CSMD2: variants seen among roughly 807,000 people sequenced by gnomAD.
CSMD2 encodes CUB and Sushi multiple domains 2.
CSMD2 carries 130 observed loss-of-function variants against 398.5 expected under a neutral mutation model. That is an observed-to-expected ratio of 0.33 (90% CI 0.28 to 0.38). The LOEUF (loss-of-function observed/expected upper bound fraction) is 0.38, where lower values mean the gene tolerates loss of function less well. CSMD2 is among the 10% of genes least tolerant of loss of function. The pLI is 1.00. For synonymous variants in CSMD2, 1,828 were observed against 1,908.5 expected, an observed-to-expected ratio of 0.96 and a Z score of 1.10; for missense variants, 3,829 against 4,764.9, an observed-to-expected ratio of 0.80 and a Z score of 5.78.
At chr1:34,071,887 C>G (rs1417766377) in intron 2 of CSMD2, among the ~76,000 whole-genome samples, 1 of 152,266 alleles carries the variant, frequency 6.6e-6, no homozygotes, top group African/African-American at 2.4e-5. Context: ...CTATATGCAT[C>G]TCCAGCATCA....
At chr1:34,089,365 T>C (rs1231781880) in intron 1 of CSMD2, among the ~76,000 whole-genome samples, 172 bp from the exon 2 acceptor site, 1 of 152,202 alleles carries the variant, frequency 6.6e-6, no homozygotes, top group Non-Finnish European at 1.5e-5. Flanking sequence ...ACGTTGATTG[T>C]CGGCTTGCTG....
intron 3 of CSMD2, among the ~76,000 whole-genome samples, chr1:33,996,435 G>T (rs979731961): frequency 2.6e-5 from 4 of 152,194 alleles, no homozygotes; most frequent in African/African-American, 9.7e-5. Flanking sequence ...TCAGCTGTCA[G>T]GGCACAACAC....
chr1:33,914,406 GTGTGTT>G (rs915193405), intron 5 of CSMD2, among the ~76,000 whole-genome samples: 81 of 147,820 alleles, frequency 5.5e-4, no homozygotes, highest in South Asian at 1.3e-3. Flanking sequence ...GTGTGTGTGT[GTGTGTT>G]TGTGTGTATG....
At chr1:33,595,506 A>C (rs1639779507) in intron 44 of CSMD2, among the ~76,000 whole-genome samples, 2 of 152,158 alleles carry the variant, frequency 1.3e-5, no homozygotes, top group African/African-American at 2.4e-5. Context: ...GGTAGTTTGA[A>C]GTTATGTAAA....
intron 3 of CSMD2, among the ~76,000 whole-genome samples, chr1:33,939,512 C>T (rs1644596618): frequency 6.6e-6 from 1 of 152,040 alleles, no homozygotes; most frequent in South Asian, 2.1e-4. Flanking sequence ...TGTCATTTTC[C>T]GCAATGAGAC....
chr1:34,084,852 C>T (rs1429580159), intron 2 of CSMD2, among the ~76,000 whole-genome samples: 2 of 152,100 alleles, frequency 1.3e-5, no homozygotes, highest in African/African-American at 4.8e-5. Flanking sequence ...ACTAGAAATA[C>T]CATTTGACCC....
chr1:34,055,697 A>T (rs2148240887), intron 2 of CSMD2, among the ~76,000 whole-genome samples: 1 of 152,332 alleles, frequency 6.6e-6, no homozygotes, highest in Admixed American at 6.5e-5. Context: ...ATCAGTCTCC[A>T]GGAACCTCCA....
intron 4 of CSMD2, among the ~76,000 whole-genome samples, chr1:33,923,158 G>T (rs1263517510): frequency 6.6e-6 from 1 of 152,124 alleles, no homozygotes; most frequent in East Asian, 1.9e-4. Flanking sequence ...TGCATAGTAG[G>T]TGATATAGTT....
intron 25 of CSMD2, among the ~76,000 whole-genome samples, chr1:33,690,195 C>T (rs1391415788): frequency 6.6e-6 from 1 of 152,174 alleles, no homozygotes; most frequent in East Asian, 1.9e-4. Flanking sequence ...CCCATGAATG[C>T]CGCCACCCAC....
intron 8 of CSMD2, among the ~76,000 whole-genome samples, chr1:33,820,162 T>G (rs1351196041): frequency 2.0e-5 from 3 of 152,128 alleles, no homozygotes; most frequent in Non-Finnish European, 4.4e-5. Context: ...TCTCCTAGAT[T>G]ATTGCAGGCG....
intron 3 of CSMD2, among the ~76,000 whole-genome samples, chr1:34,017,154 C>T (rs1050006297): frequency 6.6e-6 from 1 of 152,156 alleles, no homozygotes; most frequent in African/African-American, 2.4e-5. Context: ...TGATCACCTC[C>T]AGAAATGAGG....
intron 9 of CSMD2, among the ~76,000 whole-genome samples, chr1:33,813,365 C>T (rs905427206): frequency 1.3e-5 from 2 of 152,194 alleles, no homozygotes; most frequent in African/African-American, 4.8e-5. Context: ...TGTGGACAGA[C>T]AGACAGACAT....
intron 24 of CSMD2, among the ~76,000 whole-genome samples, chr1:33,698,156 G>A (rs1041418629): frequency 6.6e-6 from 1 of 152,188 alleles, no homozygotes. Context: ...ACTGTCTCTT[G>A]TCCTGTGACA....
At chr1:33,615,096 T>C (rs769306064) in intron 39 of CSMD2, among the ~76,000 whole-genome samples, 3 of 152,186 alleles carry the variant, frequency 2.0e-5, no homozygotes, top group African/African-American at 4.8e-5. Context: ...TTCTCAAATA[T>C]ATATTTCAGG....
chr1:34,063,632 T>C (rs576212822), intron 2 of CSMD2, among the ~76,000 whole-genome samples: 1 of 152,326 alleles, frequency 6.6e-6, no homozygotes, highest in African/African-American at 2.4e-5. Context: ...ATAGCCCCAC[T>C]CTGGGCTGCT....
At chr1:33,753,833 T>C (rs912748599) in intron 13 of CSMD2, among the ~76,000 whole-genome samples, 1 of 152,288 alleles carries the variant, frequency 6.6e-6, no homozygotes, top group Non-Finnish European at 1.5e-5. Context: ...ATTTAATCTC[T>C]GCCTTGCTGG....
intron 1 of CSMD2, among the ~76,000 whole-genome samples, chr1:34,102,441 A>G (rs764488300): frequency 1.3e-5 from 2 of 152,058 alleles, no homozygotes; most frequent in Non-Finnish European, 2.9e-5. Flanking sequence ...TTGGCTTCTC[A>G]TCTCACTCAA....
At position 33,546,132 on chromosome 1, in the gene CSMD2, C is replaced by A; in HGVS notation, c.9005G>T (p.Arg3002Leu). ...GDSFDPGTVMRFSCEAGHVLR... is the reference protein window; with the variant it reads ...GDSFDPGTVMLFSCEAGHVLR... The stretch of plus-strand genomic sequence containing the variant: ...CACGTGGCCAGCTTCACAGCTGAAG[C>A]GCATCACAGTGCCTGGATCAAAGCT... Residue 3002 changes from arginine to leucine, a missense_variant, in exon 57 of 71, where the codon CGC (arginine) becomes CTC (leucine). Physicochemically the swap from Arg to Leu is moderately radical, Grantham distance 102. Coordinates refer to ENST00000373381, the MANE Select transcript of CSMD2 (RefSeq NM_001281956.2). 6.2e-7 allele frequency: 1 copy of A among 1,614,186 alleles called. No homozygotes were observed. Among genetic ancestry groups the A allele is most frequent in the South Asian group, 1.1e-5 (1 of 91,086 alleles).
intron 68 of CSMD2, among the ~76,000 whole-genome samples, chr1:33,520,767 C>T (rs1243334429): frequency 6.6e-6 from 1 of 152,148 alleles, no homozygotes; most frequent in Non-Finnish European, 1.5e-5. Context: ...AGGCAAGGGC[C>T]CCGGCGATGG....
Sources: allele counts gnomAD v4.1 joint callset (sites outside exome capture counted in the v4.1 genomes callset), GRCh38; gene constraint gnomAD v4.1.1; transcripts MANE v1.5; gene names NCBI Gene and HGNC (gene_info 2026-07-23, HGNC 2026-07-21).